SRBD1: variants seen among roughly 807,000 people sequenced by gnomAD.
SRBD1 encodes S1 RNA binding domain 1, also known as S1 RNA-binding domain-containing protein 1.
A neutral mutation model predicts 115.3 loss-of-function variants in SRBD1; 88 were observed. The observed-to-expected ratio is 0.76, with a 90% CI of 0.64 to 0.91. The LOEUF is 0.91. Among genes scored for constraint, SRBD1 ranks in the 40% least tolerant of loss-of-function variants. SRBD1 has a pLI of 0.00. For missense variants in SRBD1, 1,385 were observed against 1,177.4 expected (o/e 1.18, Z -2.58); for synonymous variants, 509 against 407.7 (o/e 1.25, Z -2.99).
At chr2:45,453,000 G>A (rs961954350) in intron 16 of SRBD1, among the ~76,000 whole-genome samples, 1 of 151,908 alleles carries the variant, frequency 6.6e-6, no homozygotes, top group African/African-American at 2.4e-5. Flanking sequence ...TGTATACTGT[G>A]TTTGTAATAA....
intron 16 of SRBD1, among the ~76,000 whole-genome samples, chr2:45,470,052 G>A (rs905369062): frequency 6.6e-6 from 1 of 152,152 alleles, no homozygotes; most frequent in African/African-American, 2.4e-5. Flanking sequence ...AGGTGACCGG[G>A]CATGGGACAG....
At chr2:45,508,786 G>C (rs184166447) in intron 14 of SRBD1, among the ~76,000 whole-genome samples, 197 of 152,208 alleles carry the variant, frequency 1.3e-3, no homozygotes, top group Non-Finnish European at 1.7e-3. Context: ...ATTTTACCCA[G>C]TGAATTGCTA....
chr2:45,402,457 T>C (rs967195938), intron 19 of SRBD1, among the ~76,000 whole-genome samples: 1 of 152,178 alleles, frequency 6.6e-6, no homozygotes, highest in African/African-American at 2.4e-5. Flanking sequence ...GGAAATCCTA[T>C]AGTACAAATA....
At chr2:45,432,191 A>C (rs1668361541) in intron 16 of SRBD1, among the ~76,000 whole-genome samples, 1 of 151,984 alleles carries the variant, frequency 6.6e-6, no homozygotes, top group Admixed American at 6.6e-5. Flanking sequence ...CACCACGCGC[A>C]GCTAATGTTG....
chr2:45,407,555 A>G (rs1667473919), intron 19 of SRBD1, among the ~76,000 whole-genome samples: 1 of 152,124 alleles, frequency 6.6e-6, no homozygotes, highest in Non-Finnish European at 1.5e-5. Flanking sequence ...ATTCATTTTT[A>G]TATACTTCAG....
intron 11 of SRBD1, among the ~76,000 whole-genome samples, chr2:45,552,907 G>C (rs996426252): frequency 2.0e-5 from 3 of 152,186 alleles, no homozygotes; most frequent in African/African-American, 7.2e-5. Context: ...AAAAATTCTA[G>C]AGAGGTTGAA....
Position 45,602,074 on chromosome 2 carries a change from G to T in SRBD1, c.90C>A (p.Ala30=), listed in dbSNP as rs756466552. The T allele has an allele frequency of 1.2e-6, 2 of 1,613,244 alleles. No individual in the cohort carries two copies. The highest frequency in any genetic ancestry group is 1.1e-5 in the South Asian group (1 of 90,942). Residue 30 remains alanine (A), a synonymous_variant, in exon 3 of 21, where the codon GCC becomes GCA. Coordinates refer to ENST00000263736, the MANE Select transcript of SRBD1 (RefSeq NM_018079.5). The stretch of plus-strand genomic sequence containing the variant: ...TATCTTCCTTGTCATCTTCTTCAGA[G>T]GCAGATGATCTAGAAGTAAATCAAC... The part of the protein sequence containing the change: ...EFSSFSELSS[A]SEEDDKEDSA...
chr2:45,567,448 A>T (rs1443844656), intron 9 of SRBD1, among the ~76,000 whole-genome samples: 2 of 152,122 alleles, frequency 1.3e-5, no homozygotes, highest in Non-Finnish European at 1.5e-5. Context: ...CAACTCTCAA[A>T]AAATACAAAA....
At chr2:45,453,919 C>T (rs1468407218) in intron 16 of SRBD1, among the ~76,000 whole-genome samples, 1 of 151,952 alleles carries the variant, frequency 6.6e-6, no homozygotes, top group Non-Finnish European at 1.5e-5. Flanking sequence ...GGCAATTCGT[C>T]CACTGCAATT....
At chr2:45,495,526 C>T (rs920685122) in intron 14 of SRBD1, among the ~76,000 whole-genome samples, 1 of 152,158 alleles carries the variant, frequency 6.6e-6, no homozygotes, top group South Asian at 2.1e-4. Flanking sequence ...CTTTCAAAAT[C>T]CCTCTTTTAT....
intron 18 of SRBD1, among the ~76,000 whole-genome samples, chr2:45,416,925 A>T (rs530197836): frequency 6.6e-6 from 1 of 151,984 alleles, no homozygotes; most frequent in African/African-American, 2.4e-5. Context: ...ATTACAGGTG[A>T]GCACCACCAT....
At chr2:45,603,037 C>G (rs1476744904) in intron 2 of SRBD1, among the ~76,000 whole-genome samples, 1 of 152,102 alleles carries the variant, frequency 6.6e-6, no homozygotes, top group Non-Finnish European at 1.5e-5. Context: ...AGCAGTGGAA[C>G]TGAAAGAAAC....
intron 16 of SRBD1, among the ~76,000 whole-genome samples, chr2:45,465,587 A>C (rs1275374101): frequency 6.6e-6 from 1 of 152,244 alleles, no homozygotes; most frequent in Non-Finnish European, 1.5e-5. Flanking sequence ...TAAGACTGGA[A>C]GAAAACTAGA....
chr2:45,525,599 T>TA (rs1671416267), intron 14 of SRBD1, among the ~76,000 whole-genome samples: 1 of 152,026 alleles, frequency 6.6e-6, no homozygotes, highest in African/African-American at 2.4e-5. Context: ...GTTCTTACTA[T>TA]AAAAATATGT....
chr2:45,431,583 C>G (rs1452960178), intron 16 of SRBD1, among the ~76,000 whole-genome samples: 1 of 152,064 alleles, frequency 6.6e-6, no homozygotes, highest in Non-Finnish European at 1.5e-5. Flanking sequence ...AATGAGAACA[C>G]ATGGACAAAG....
intron 14 of SRBD1, among the ~76,000 whole-genome samples, chr2:45,536,349 G>T: frequency 6.6e-6 from 1 of 151,620 alleles, no homozygotes; most frequent in South Asian, 2.1e-4. Flanking sequence ...AAACATACTT[G>T]ATAGAATACT....
chr2:45,602,683 C>G (rs1450391789), intron 2 of SRBD1, among the ~76,000 whole-genome samples: 1 of 152,100 alleles, frequency 6.6e-6, no homozygotes, highest in Non-Finnish European at 1.5e-5. Flanking sequence ...AACGAAGAAT[C>G]AAACTCACAG....
chr2:45,551,840 G>T (rs17033850), intron 11 of SRBD1, among the ~76,000 whole-genome samples: 7,263 of 152,226 alleles, frequency 0.048, 596 homozygotes, highest in African/African-American at 0.17. Flanking sequence ...AAGATCAGCT[G>T]AAAGAAGTAT....
rs1240129430 is a variant in SRBD1 at position 45,397,202 on chromosome 2, C to CT, written c.2514-4074dup. The stretch of plus-strand genomic sequence containing the variant: ...ATAATTTAAAAAGAAAGCTTATACT[C>CT]TAAGAAAATCTGGCCTTCTAAAAAA... On this transcript the variant is annotated intron_variant, in intron 19 of 20. Coordinates refer to ENST00000263736, the MANE Select transcript of SRBD1 (RefSeq NM_018079.5). Among the ~76,000 whole-genome samples the CT allele has an allele frequency of 8.5e-5, 13 of 152,088 alleles. 1 individual carries two copies. Among genetic ancestry groups the CT allele is most frequent in the Admixed American group, 7.2e-4 (11 of 15,268 alleles).
Sources: gnomAD v4.1 joint callset for allele counts (sites outside exome capture counted in the v4.1 genomes callset) on GRCh38, gnomAD v4.1.1 for gene constraint, MANE v1.5 for transcripts, NCBI Gene and HGNC (gene_info 2026-07-23, HGNC 2026-07-21) for gene names.